Variants in SULF1 observed in about 807,000 individuals in gnomAD.
SULF1 encodes the protein sulfatase 1.
Under a neutral mutation model 110.5 loss-of-function variants are expected in SULF1, and 46 were observed. The ratio of observed to expected loss-of-function variants is 0.42; its 90% CI spans 0.33 to 0.53. The LOEUF (loss-of-function observed/expected upper bound fraction) is 0.53, where lower values mean the gene tolerates loss of function less well. SULF1 is among the 20% of genes least tolerant of loss of function. The pLI is 0.12. For synonymous variants in SULF1, 371 were observed against 387.1 expected (o/e 0.96, Z 0.49); for missense variants, 941 against 1,094.2 (o/e 0.86, Z 1.98).
chr8:69,579,651 A>C, intron 6 of SULF1, among the ~76,000 whole-genome samples: 1 of 152,182 alleles, frequency 6.6e-6, no homozygotes, highest in Middle Eastern at 3.2e-3. Flanking sequence ...ACATTACAGT[A>C]TCTCAGACAA....
upstream of SULF1, among the ~76,000 whole-genome samples, chr8:69,492,135 C>T (rs1333918147): frequency 6.6e-6 from 1 of 151,704 alleles, no homozygotes; most frequent in Non-Finnish European, 1.5e-5. Context: ...AATTTCTTTG[C>T]GTGTTGGGAA....
rs537191124 is a variant in SULF1, at chr8:69,596,460, C to T, written c.735-4143C>T. 8.3e-4 allele frequency among the ~76,000 whole-genome samples: 126 copies of T among 152,168 alleles called. 2 individuals carry two copies. The South Asian group carries it at 0.025, about 30-fold the overall frequency. ...GTGCCTAGAAGGGCCAGACTTTATT[C>T]TGTATTTGCAACAAAAGTAGACCCA... On this transcript the variant is annotated intron_variant, in intron 8 of 22. Coordinates refer to ENST00000402687, the MANE Select transcript of SULF1 (RefSeq NM_001128205.2).
chr8:69,655,694 C>T (rs1399028173), intron 22 of SULF1, among the ~76,000 whole-genome samples: 1 of 152,188 alleles, frequency 6.6e-6, no homozygotes, highest in Non-Finnish European at 1.5e-5. Flanking sequence ...AGGCATGAGG[C>T]ACCATGCCCG....
intron 17 of SULF1, 136 bp downstream of exon 17, chr8:69,628,002 T>A: frequency 1.1e-6 from 1 of 886,872 alleles, no homozygotes; most frequent in Non-Finnish European, 1.8e-6. Context: ...GCTATTTAAG[T>A]AAAACTAAAT....
intron 19 of SULF1, among the ~76,000 whole-genome samples, chr8:69,635,460 C>G (rs1248208526): frequency 1.3e-5 from 2 of 152,194 alleles, no homozygotes; most frequent in Non-Finnish European, 2.9e-5. Flanking sequence ...AAAAAATAGT[C>G]TATTAAAATA....
At chr8:69,524,694 T>G (rs1047599567) in intron 3 of SULF1, among the ~76,000 whole-genome samples, 2 of 152,204 alleles carry the variant, frequency 1.3e-5, no homozygotes, top group Non-Finnish European at 2.9e-5. Flanking sequence ...GATAGTATAG[T>G]TATAGACAAA....
intron 3 of SULF1, among the ~76,000 whole-genome samples, chr8:69,539,821 G>A (rs1813743769): frequency 6.6e-6 from 1 of 152,218 alleles, no homozygotes; most frequent in South Asian, 2.1e-4. Flanking sequence ...TTTGGTGGAA[G>A]TGGAGTTGGT....
At chr8:69,650,294 G>T (rs139803917) in intron 22 of SULF1, among the ~76,000 whole-genome samples, 382 of 152,048 alleles carry the variant, frequency 2.5e-3, no homozygotes, top group Non-Finnish European at 4.5e-3. Context: ...GAACCATCGT[G>T]CCTGGCTCCT....
intron 13 of SULF1, among the ~76,000 whole-genome samples, chr8:69,607,284 G>T (rs909075452): frequency 2.0e-5 from 3 of 152,200 alleles, no homozygotes; most frequent in Admixed American, 6.5e-5. Context: ...AGGAATCTAA[G>T]AACTTCAAGA....
chr8:69,530,422 T>A (rs1460861889), intron 3 of SULF1, among the ~76,000 whole-genome samples: 1 of 152,166 alleles, frequency 6.6e-6, no homozygotes, highest in East Asian at 1.9e-4. Flanking sequence ...ATTGTAGAGA[T>A]TCTTTGCTGA....
At chr8:69,520,072 A>T (rs1812187097) in intron 3 of SULF1, among the ~76,000 whole-genome samples, 1 of 150,768 alleles carries the variant, frequency 6.6e-6, no homozygotes, top group African/African-American at 2.4e-5. Context: ...TAATTAGAAT[A>T]CCTGCACTTC....
At chr8:69,520,871 G>T (rs1022214975) in intron 3 of SULF1, among the ~76,000 whole-genome samples, 1 of 152,122 alleles carries the variant, frequency 6.6e-6, no homozygotes, top group Non-Finnish European at 1.5e-5. Context: ...TCTGAGTTTT[G>T]ATTTTATATC....
At chr8:69,656,801 A>G (rs1812768267) in intron 22 of SULF1, among the ~76,000 whole-genome samples, 1 of 152,310 alleles carries the variant, frequency 6.6e-6, no homozygotes, top group Non-Finnish European at 1.5e-5. Context: ...ATATGTCTTT[A>G]TAATAGAATG....
At chr8:69,516,403 T>A (rs1899274) in intron 3 of SULF1, among the ~76,000 whole-genome samples, 34 of 150,992 alleles carry the variant, frequency 2.3e-4, no homozygotes, top group Admixed American at 9.2e-4. Context: ...AAAAAACAGA[T>A]CTTGTGGGAA....
intron 13 of SULF1, among the ~76,000 whole-genome samples, chr8:69,607,114 C>T (rs1300791758): frequency 2.0e-5 from 3 of 152,228 alleles, no homozygotes; most frequent in South Asian, 2.1e-4. Context: ...AATGCAAATT[C>T]TCTGGCTATT....
intron 14 of SULF1, among the ~76,000 whole-genome samples, 166 bp downstream of exon 14, chr8:69,621,417 T>C (rs1308829712): frequency 1.3e-5 from 2 of 152,238 alleles, no homozygotes; most frequent in Non-Finnish European, 2.9e-5. Flanking sequence ...CTAAGACTAA[T>C]GTGACATTTT....
At chr8:69,592,777 A>T (rs79030999) in intron 8 of SULF1, 7,544 of 244,276 alleles carry the variant, frequency 0.031, 136 homozygotes, top group African/African-American at 0.064. Context: ...ACAAAAGGGC[A>T]ATTTCATGTG....
At chr8:69,536,697 G>A (rs757106777) in intron 3 of SULF1, among the ~76,000 whole-genome samples, 2 of 152,106 alleles carry the variant, frequency 1.3e-5, no homozygotes, top group Non-Finnish European at 2.9e-5. Flanking sequence ...TTCCTTTTTC[G>A]AGGAATCCTT....
At chr8:69,480,884 G>C (rs1341026281) in intron 1 of SULF1, among the ~76,000 whole-genome samples, 3 of 141,136 alleles carry the variant, frequency 2.1e-5, no homozygotes, top group Non-Finnish European at 4.6e-5. Context: ...TCTGGGGACT[G>C]TTGTGGGATG....
Sources: allele counts gnomAD v4.1 joint callset (sites outside exome capture counted in the v4.1 genomes callset), GRCh38; gene constraint gnomAD v4.1.1; transcripts MANE v1.5; gene names NCBI Gene and HGNC (gene_info 2026-07-23, HGNC 2026-07-21).